TIAM2: variants seen among roughly 807,000 people sequenced by gnomAD.
The protein encoded by TIAM2 is TIAM Rac1 associated GEF 2, also known as rho guanine nucleotide exchange factor TIAM2.
Under a neutral mutation model 152.9 loss-of-function variants are expected in TIAM2, and 80 were observed. That is an observed-to-expected ratio of 0.52 (90% CI 0.44 to 0.63). The LOEUF (loss-of-function observed/expected upper bound fraction) is 0.63, where lower values mean the gene tolerates loss of function less well. TIAM2 is among the 30% of genes least tolerant of loss of function. The pLI is 0.00. For missense variants in TIAM2, 1,965 were observed against 2,120.1 expected, an observed-to-expected ratio of 0.93 and a Z score of 1.44; for synonymous variants, 804 against 838.0, an observed-to-expected ratio of 0.96 and a Z score of 0.70.
chr6:155,081,324 A>G (rs1387800002), intron 1 of TIAM2, among the ~76,000 whole-genome samples: 1 of 151,856 alleles, frequency 6.6e-6, no homozygotes, highest in African/African-American at 2.4e-5. Context: ...ATGTACTTAC[A>G]GTCATTCAAC....
rs754744302 is a variant in TIAM2, at chr6:155,144,786, T to C, written c.1803+8T>C. On this transcript the variant is annotated splice_region_variant and intron_variant, in intron 6 of 26. Coordinates refer to ENST00000682666, the MANE Select transcript of TIAM2 (RefSeq NM_012454.4). ...GATGTCTACCTTTTCCAGGTACTGCTGGTACTTTGTAAGTGGAGGTAATAG... is the reference window on the plus strand; with the variant it reads ...GATGTCTACCTTTTCCAGGTACTGCCGGTACTTTGTAAGTGGAGGTAATAG... 2 of 1,602,726 alleles carry C rather than the reference T, an allele frequency of 1.2e-6. No homozygotes were observed. The highest frequency in any genetic ancestry group is 8.5e-7 in the Non-Finnish European group (1 of 1,176,632).
intron 14 of TIAM2, among the ~76,000 whole-genome samples, chr6:155,184,257 G>A (rs1780981152): frequency 1.3e-5 from 2 of 152,164 alleles, no homozygotes; most frequent in African/African-American, 2.4e-5. Flanking sequence ...CCAGAGTGCT[G>A]GGATTACAGG....
intron 1 of TIAM2, among the ~76,000 whole-genome samples, chr6:155,064,281 C>T (rs1777644070): frequency 1.3e-5 from 2 of 152,144 alleles, no homozygotes; most frequent in Admixed American, 6.6e-5. Context: ...TAAAATAATA[C>T]AGTATCTTAT....
chr6:155,079,701 C>G (rs1474683497), intron 1 of TIAM2, among the ~76,000 whole-genome samples: 4 of 152,222 alleles, frequency 2.6e-5, no homozygotes, highest in Admixed American at 2.0e-4. Flanking sequence ...AATCCCAGCA[C>G]TTTGGGAGGC....
chr6:155,057,826 A>G (rs912602422), intron 1 of TIAM2, among the ~76,000 whole-genome samples: 15 of 152,182 alleles, frequency 9.9e-5, no homozygotes, highest in Admixed American at 5.9e-4. Flanking sequence ...GGTTACAGGC[A>G]TGAGCCACCG....
At chr6:155,241,450 A>G (rs1045578127) in intron 16 of TIAM2, among the ~76,000 whole-genome samples, 4 of 152,196 alleles carry the variant, frequency 2.6e-5, no homozygotes, top group South Asian at 2.1e-4. Context: ...CTCTGGCTGT[A>G]TGGTGGATGG....
chr6:155,180,211 A>G (rs1197840561), intron 12 of TIAM2, among the ~76,000 whole-genome samples: 2 of 152,164 alleles, frequency 1.3e-5, no homozygotes, highest in African/African-American at 4.8e-5. Context: ...CCTGGGAGGC[A>G]GAGGTTGCAG....
chr6:155,193,608 C>G (rs576512231), intron 14 of TIAM2, among the ~76,000 whole-genome samples: 2 of 152,058 alleles, frequency 1.3e-5, no homozygotes, highest in African/African-American at 4.8e-5. Flanking sequence ...TGAAAAAAGA[C>G]AGTTAGTTCC....
intron 1 of TIAM2, among the ~76,000 whole-genome samples, chr6:155,066,900 C>G (rs1201110313): frequency 6.6e-6 from 1 of 152,124 alleles, no homozygotes; most frequent in African/African-American, 2.4e-5. Context: ...GGATTACAGG[C>G]ACCTACCATC....
intron 4 of TIAM2, among the ~76,000 whole-genome samples, chr6:155,133,950 C>T (rs1304272197): frequency 1.3e-5 from 2 of 152,164 alleles, no homozygotes; most frequent in African/African-American, 2.4e-5. Flanking sequence ...CTCCCGACCT[C>T]AGGTGATCCA....
intron 1 of TIAM2, among the ~76,000 whole-genome samples, chr6:155,017,719 G>T (rs1181467661): frequency 3.3e-5 from 5 of 151,896 alleles, no homozygotes; most frequent in African/African-American, 1.2e-4. Flanking sequence ...TAGCCAGGAT[G>T]GTCTCAATCT....
intron 5 of TIAM2, among the ~76,000 whole-genome samples, chr6:155,142,794 G>A (rs1457337185): frequency 4.6e-5 from 7 of 152,200 alleles, no homozygotes; most frequent in African/African-American, 7.2e-5. Context: ...GAGCAAATGC[G>A]CAGTTTCTTG....
At chr6:155,067,118 T>C (rs1448766352) in intron 1 of TIAM2, among the ~76,000 whole-genome samples, 1 of 152,132 alleles carries the variant, frequency 6.6e-6, no homozygotes, top group African/African-American at 2.4e-5. Flanking sequence ...GAAGAGGGTC[T>C]TTGTGGTACA....
intron 1 of TIAM2, among the ~76,000 whole-genome samples, chr6:155,065,032 T>A (rs1424169067): frequency 6.6e-6 from 1 of 152,182 alleles, no homozygotes; most frequent in East Asian, 1.9e-4. Flanking sequence ...CTCAGCTCAC[T>A]GCAACCTCCA....
chr6:155,217,409 A>G (rs1419108114), intron 15 of TIAM2, among the ~76,000 whole-genome samples: 1 of 152,270 alleles, frequency 6.6e-6, no homozygotes, highest in African/African-American at 2.4e-5. Context: ...GATATCAGAA[A>G]GGCCTAGGCA....
At chr6:155,012,452 C>T (rs564695330) in intron 1 of TIAM2, among the ~76,000 whole-genome samples, 6 of 152,338 alleles carry the variant, frequency 3.9e-5, no homozygotes, top group Admixed American at 1.3e-4. Context: ...AACCAACCAA[C>T]TTACCAAACC....
At chr6:155,146,391 A>G (rs548596804) in intron 6 of TIAM2, among the ~76,000 whole-genome samples, 1 of 152,240 alleles carries the variant, frequency 6.6e-6, no homozygotes, top group East Asian at 1.9e-4. Flanking sequence ...AGCAACAACA[A>G]CAACAGAATT....
chr6:155,158,703 C>T (rs1376373228), intron 7 of TIAM2, among the ~76,000 whole-genome samples: 1 of 151,918 alleles, frequency 6.6e-6, no homozygotes, highest in Non-Finnish European at 1.5e-5. Context: ...TACAGGTGTG[C>T]ACCAACCACA....
intron 14 of TIAM2, among the ~76,000 whole-genome samples, chr6:155,191,597 GC>G (rs1363352077): frequency 6.6e-6 from 1 of 152,154 alleles, no homozygotes; most frequent in Non-Finnish European, 1.5e-5. Context: ...TTCAAGACCA[GC>G]CTGTGCAACA....
Sources: allele counts gnomAD v4.1 joint callset (sites outside exome capture counted in the v4.1 genomes callset), GRCh38; gene constraint gnomAD v4.1.1; transcripts MANE v1.5; gene names NCBI Gene and HGNC (gene_info 2026-07-23, HGNC 2026-07-21).